The following MTMR9 variants were observed in gnomAD, a reference collection of about 807,000 sequenced individuals.
The protein encoded by MTMR9 is myotubularin-related protein 9.
A neutral mutation model predicts 69.5 loss-of-function variants in MTMR9; 39 were observed. The observed-to-expected ratio is 0.56, with a 90% confidence interval of 0.43 to 0.73. The LOEUF is 0.73. MTMR9 is among the 30% of genes least tolerant of loss of function. The pLI is 0.00. For missense variants in MTMR9, 900 were observed against 671.2 expected (o/e 1.34, Z -3.77); for synonymous variants, 354 against 240.8 (o/e 1.47, Z -4.35).
intron 1 of MTMR9, among the ~76,000 whole-genome samples, chr8:11,293,493 C>T (rs1799437808): frequency 6.6e-6 from 1 of 152,120 alleles, no homozygotes; most frequent in South Asian, 2.1e-4. Context: ...TACAGGAATG[C>T]CCCGTGGCTT....
At chr8:11,335,086 GACAGAA>G in the MTMR9 span, among the ~76,000 whole-genome samples, 1 of 152,176 alleles carries the variant, frequency 6.6e-6, no homozygotes, top group African/African-American at 2.4e-5. Context: ...AATGCAATGA[GACAGAA>G]ACAGAAAAAG....
chr8:11,314,799 A>G (rs1039591594), intron 6 of MTMR9, 124 bp from the exon 7 acceptor site: 24 of 827,388 alleles, frequency 2.9e-5, no homozygotes, highest in Non-Finnish European at 4.1e-5. Flanking sequence ...GTTGTACTCA[A>G]TACACTAAAT....
chr8:11,315,382 G>A (rs186733480), intron 7 of MTMR9, among the ~76,000 whole-genome samples: 1 of 152,122 alleles, frequency 6.6e-6, no homozygotes, highest in African/African-American at 2.4e-5. Flanking sequence ...ATAAGCAGTC[G>A]GGGAAGGGGG....
chr8:11,291,516 G>GTTTTAA (rs1799380351), intron 1 of MTMR9, among the ~76,000 whole-genome samples: 5 of 152,040 alleles, frequency 3.3e-5, no homozygotes, highest in Admixed American at 6.6e-5. Context: ...GAGTTTTGTG[G>GTTTTAA]AGCTCTTATG....
chr8:11,321,432 G>C (rs1363341175), intron 9 of MTMR9: 2 of 456,406 alleles, frequency 4.4e-6, no homozygotes, highest in South Asian at 3.1e-5. Context: ...TAGCTGTTTG[G>C]GAGAAAACCC....
At position 11,309,701 on chromosome 8, in the gene MTMR9, T is replaced by G; in HGVS notation, c.971+13T>G. 2 of 1,612,152 alleles carry G rather than the reference T, an allele frequency of 1.2e-6. No homozygotes were observed. Among genetic ancestry groups the G allele is most frequent in the Admixed American group, 1.7e-5 (1 of 59,568 alleles). On this transcript the variant is annotated intron_variant, in intron 6 of 9. Coordinates refer to ENST00000221086, the MANE Select transcript of MTMR9 (RefSeq NM_015458.4). The stretch of plus-strand genomic sequence containing the variant: ...AGTGCATCGACAGGTAAAGTGCATT[T>G]CAGCGTTCCTGAGCGAAACATGGCG...
At chr8:11,328,345 G>C (rs1429758024), downstream of MTMR9, among the ~76,000 whole-genome samples, 1 of 21,770 alleles carries the variant, frequency 4.6e-5, no homozygotes, top group Non-Finnish European at 8.8e-5. Flanking sequence ...TTAATACCAC[G>C]TGTGTGTGTG....
At chr8:11,331,796 G>A, downstream of MTMR9, 1 of 1,611,740 alleles carries the variant, frequency 6.2e-7, no homozygotes. Context: ...GCTTGGTGGG[G>A]CTGCTGGGCT....
intron 1 of MTMR9, among the ~76,000 whole-genome samples, chr8:11,286,888 A>G (rs893310522): frequency 1.3e-5 from 2 of 152,068 alleles, no homozygotes. Context: ...GTATTCTGTC[A>G]TCTGTGTATT....
In MTMR9 at chr8:11,319,899, G is replaced by C. The variant is rs1011938512; in HGVS notation, c.1486+61G>C. On this transcript the variant is annotated intron_variant, in intron 9 of 9. Transcript: ENST00000221086. ...CAGGTGTGCATGCGGCTGCCTGTGA[G>C]TGTGTGCTGTTGGTGATGTATGAAG... The C allele has an allele frequency of 6.3e-5, 99 of 1,566,594 alleles. 1 individual carries two copies. The South Asian group carries it at 1.1e-3, about 18-fold the overall frequency.
intron 1 of MTMR9, 43 bp from the exon 2 acceptor site, chr8:11,295,151 A>G (rs2117370923): frequency 1.0e-6 from 1 of 960,398 alleles, no homozygotes; most frequent in Non-Finnish European, 1.6e-6. Context: ...ATTTAAAGTT[A>G]GTAATATATG....
intron 3 of MTMR9, among the ~76,000 whole-genome samples, chr8:11,301,350 C>T (rs943660056): frequency 1.3e-5 from 2 of 152,140 alleles, no homozygotes; most frequent in Admixed American, 1.3e-4. Flanking sequence ...AATAAACCTT[C>T]CCCTTAATGC....
rs761954535 is a variant in MTMR9 at position 11,309,703 on chromosome 8, A to G, written c.971+15A>G. The G allele has an allele frequency of 2.5e-6, 4 of 1,611,016 alleles. No individual in the cohort carries two copies. The highest frequency in any genetic ancestry group is 2.2e-5 in the South Asian group (2 of 90,860). On this transcript the variant is annotated intron_variant, in intron 6 of 9. Transcript: ENST00000221086. The stretch of plus-strand genomic sequence containing the variant: ...TGCATCGACAGGTAAAGTGCATTTC[A>G]GCGTTCCTGAGCGAAACATGGCGCT...
downstream of MTMR9, among the ~76,000 whole-genome samples, chr8:11,332,437 CAACTA>C (rs1373899599): frequency 2.6e-5 from 4 of 151,688 alleles, no homozygotes; most frequent in African/African-American, 9.7e-5. Flanking sequence ...AGTTAAAAGA[CAACTA>C]AATGAAATCA....
chr8:11,311,824 CAGTT>C (rs1283738131), intron 6 of MTMR9, among the ~76,000 whole-genome samples: 1 of 151,812 alleles, frequency 6.6e-6, no homozygotes, highest in Non-Finnish European at 1.5e-5. Flanking sequence ...AAATTAGAGT[CAGTT>C]CTCTCAAACA....
intron 6 of MTMR9, among the ~76,000 whole-genome samples, chr8:11,311,519 T>C (rs1800197280): frequency 6.6e-6 from 1 of 152,254 alleles, no homozygotes; most frequent in South Asian, 2.1e-4. Flanking sequence ...TACACTATAA[T>C]GCAGTCTGTT....
chr8:11,295,267 A>G lies in MTMR9; in HGVS notation c.256A>G (p.Met86Val), dbSNP rs1487619038. The G allele has an allele frequency of 1.2e-6, 2 of 1,609,046 alleles. No individual in the cohort carries two copies. The highest frequency in any genetic ancestry group is 1.7e-6 in the Non-Finnish European group (2 of 1,175,990). Residue 86 changes from methionine (M) to valine (V), a missense_variant, in exon 2 of 10, where the codon ATG becomes GTG. Transcript: ENST00000221086. ...FRIIQLDIPGMEECLNIASSI... is the reference protein window; with the variant it reads ...FRIIQLDIPGVEECLNIASSI... ...AATTATTCAGTTGGATATTCCTGGA[A>G]TGGAGGAATGCTTGAATATAGCCAG...
intron 3 of MTMR9, among the ~76,000 whole-genome samples, chr8:11,300,976 CTGT>C (rs1421608978): frequency 6.6e-6 from 1 of 152,126 alleles, no homozygotes; most frequent in African/African-American, 2.4e-5. Flanking sequence ...CTGAACTCTG[CTGT>C]TGTTGCATGA....
chr8:11,294,473 G>T (rs1023451774), intron 1 of MTMR9, among the ~76,000 whole-genome samples: 3 of 143,972 alleles, frequency 2.1e-5, no homozygotes, highest in Admixed American at 6.8e-5. Flanking sequence ...ATCAGAAATG[G>T]ATGTTAGATT....
Sources: gnomAD v4.1 joint callset for allele counts (sites outside exome capture counted in the v4.1 genomes callset) on GRCh38, gnomAD v4.1.1 for gene constraint, MANE v1.5 for transcripts, NCBI Gene and HGNC (gene_info 2026-07-23, HGNC 2026-07-21) for gene names.